MICU1: variants seen among roughly 807,000 people sequenced by gnomAD.
MICU1 encodes mitochondrial calcium uptake 1, also known as calcium uptake protein 1, mitochondrial.
MICU1 carries 45 observed loss-of-function variants against 56.8 expected under a neutral mutation model. The ratio of observed to expected loss-of-function variants is 0.79; its 90% CI spans 0.62 to 1.02. The LOEUF is 1.02. Ranked by LOEUF, MICU1 falls within the 50% of genes least tolerant of loss-of-function variation. The pLI is 0.00. For synonymous variants in MICU1, 186 were observed against 195.1 expected (o/e 0.95, Z 0.39); for missense variants, 504 against 587.1 (o/e 0.86, Z 1.46).
intron 10 of MICU1, among the ~76,000 whole-genome samples, chr10:72,387,771 C>T (rs1862940915): frequency 1.4e-5 from 2 of 139,306 alleles, no homozygotes; most frequent in Non-Finnish European, 3.1e-5. Context: ...TTATCTGGTG[C>T]TTTTTTTTTT....
chr10:72,508,943 C>T (rs1214355531), intron 5 of MICU1, among the ~76,000 whole-genome samples: 1 of 152,136 alleles, frequency 6.6e-6, no homozygotes, highest in Non-Finnish European at 1.5e-5. Context: ...TCTCCTACAA[C>T]TTAGTTTTTA....
intron 4 of MICU1, among the ~76,000 whole-genome samples, chr10:72,535,020 ATT>A (rs373713574): frequency 1.2e-4 from 4 of 33,378 alleles, no homozygotes; most frequent in African/African-American, 4.7e-4. Flanking sequence ...ATTTTATTTT[ATT>A]TTATTTTATT....
intron 6 of MICU1, among the ~76,000 whole-genome samples, chr10:72,489,382 ACT>A (rs1222947770): frequency 6.6e-6 from 1 of 151,884 alleles, no homozygotes; most frequent in Non-Finnish European, 1.5e-5. Context: ...CCTCATAACA[ACT>A]CTATAAGGTA....
intron 8 of MICU1, among the ~76,000 whole-genome samples, chr10:72,438,461 C>T (rs1457418974): frequency 1.3e-5 from 2 of 152,060 alleles, no homozygotes; most frequent in Non-Finnish European, 2.9e-5. Flanking sequence ...GATCTAAAAT[C>T]GACACCCTAA....
rs950950047 is a variant in MICU1, at chr10:72,568,006, T to C, written c.-1-1212A>G. Among the ~76,000 whole-genome samples, 10 of 152,148 alleles carry C rather than the reference T, an allele frequency of 6.6e-5. No individual in the cohort carries two copies. The East Asian group carries it at 1.5e-3, about 23-fold the overall frequency. ...TCAAGAGTACAAAGGTAGGAAGTGA[T>C]AGATCTAGAATTTGAACCTAGGGAG... is the stretch of plus-strand genomic sequence containing the variant. On this transcript the variant is annotated intron_variant, in intron 1 of 11. Coordinates refer to ENST00000361114, the MANE Select transcript of MICU1 (RefSeq NM_001195518.2).
At chr10:72,440,090 G>A (rs1293429817) in intron 8 of MICU1, among the ~76,000 whole-genome samples, 8 of 152,034 alleles carry the variant, frequency 5.3e-5, no homozygotes, top group African/African-American at 1.2e-4. Flanking sequence ...CTGCATAGCC[G>A]AGACAATCCT....
intron 11 of MICU1, among the ~76,000 whole-genome samples, chr10:72,373,709 T>C (rs575977036): frequency 6.6e-6 from 1 of 152,310 alleles, no homozygotes; most frequent in African/African-American, 2.4e-5. Context: ...GTTGCATTTA[T>C]TCCCATATTT....
At chr10:72,450,907 G>T (rs1216339384) in intron 8 of MICU1, among the ~76,000 whole-genome samples, 3 of 151,466 alleles carry the variant, frequency 2.0e-5, no homozygotes, top group Non-Finnish European at 4.4e-5. Flanking sequence ...GTAGAGATGG[G>T]ATTTCACCAT....
chr10:72,436,761 C>T (rs1459763229), intron 8 of MICU1, among the ~76,000 whole-genome samples: 7 of 151,986 alleles, frequency 4.6e-5, no homozygotes, highest in African/African-American at 4.8e-5. Context: ...AACTTCGTGA[C>T]GTATGCACAA....
At chr10:72,418,405 C>T (rs1864053498) in intron 9 of MICU1, among the ~76,000 whole-genome samples, 1 of 152,058 alleles carries the variant, frequency 6.6e-6, no homozygotes, top group African/African-American at 2.4e-5. Flanking sequence ...CACTGCTTTA[C>T]AGGAAGAGTA....
At chr10:72,592,271 T>C (rs1258012064) in intron 1 of MICU1, among the ~76,000 whole-genome samples, 3 of 151,826 alleles carry the variant, frequency 2.0e-5, no homozygotes, top group African/African-American at 7.3e-5. Flanking sequence ...CCTCCCAAAG[T>C]GCTGGGATTA....
At chr10:72,443,140 A>ATG (rs1248623222) in intron 8 of MICU1, among the ~76,000 whole-genome samples, 2 of 152,022 alleles carry the variant, frequency 1.3e-5, no homozygotes, top group Admixed American at 6.6e-5. Flanking sequence ...AGCATTTTTC[A>ATG]TGTGTTTTTT....
At chr10:72,550,853 T>C (rs1840018156) in intron 4 of MICU1, among the ~76,000 whole-genome samples, 1 of 152,226 alleles carries the variant, frequency 6.6e-6, no homozygotes. Flanking sequence ...CTTTATAAGT[T>C]TTCTAGTTTT....
intron 8 of MICU1, among the ~76,000 whole-genome samples, chr10:72,424,901 C>T (rs550945569): frequency 6.6e-6 from 1 of 152,254 alleles, no homozygotes; most frequent in South Asian, 2.1e-4. Context: ...AAATCAACAT[C>T]ATCAATATTA....
At chr10:72,602,075 G>A (rs1841553062) in intron 1 of MICU1, among the ~76,000 whole-genome samples, 1 of 151,730 alleles carries the variant, frequency 6.6e-6, no homozygotes, top group South Asian at 2.1e-4. Context: ...TGGGATTACA[G>A]GCATGAGCCA....
At chr10:72,535,989 C>T (rs565548985) in intron 4 of MICU1, among the ~76,000 whole-genome samples, 4 of 151,928 alleles carry the variant, frequency 2.6e-5, no homozygotes, top group African/African-American at 9.7e-5. Flanking sequence ...CTCATCCCTA[C>T]GTGGAAGCCA....
At chr10:72,495,691 C>T (rs1296247145) in intron 6 of MICU1, among the ~76,000 whole-genome samples, 1 of 149,188 alleles carries the variant, frequency 6.7e-6, no homozygotes, top group Non-Finnish European at 1.5e-5. Context: ...CAACTAGCTA[C>T]CGTAATAAAG....
chr10:72,403,629 TTGTG>T (rs60373032), intron 10 of MICU1, among the ~76,000 whole-genome samples: 3,057 of 139,878 alleles, frequency 0.022, 52 homozygotes, highest in East Asian at 0.049. Flanking sequence ...CATACCAAAA[TTGTG>T]TGTGTGTGTG....
chr10:72,612,056 T>G (rs1305252002), intron 1 of MICU1, among the ~76,000 whole-genome samples: 1 of 150,902 alleles, frequency 6.6e-6, no homozygotes, highest in African/African-American at 2.4e-5. Context: ...ATAGTGAAAT[T>G]GGAAACTGAA....
Sources: allele counts gnomAD v4.1 joint callset (sites outside exome capture counted in the v4.1 genomes callset), GRCh38; gene constraint gnomAD v4.1.1; transcripts MANE v1.5; gene names NCBI Gene and HGNC (gene_info 2026-07-23, HGNC 2026-07-21).